Variants in LSP1 observed in about 807,000 individuals in gnomAD.
LSP1 encodes the protein lymphocyte-specific protein 1.
Under a neutral mutation model 49.3 loss-of-function variants are expected in LSP1, and 32 were observed. The observed-to-expected ratio is 0.65, with a 90% CI of 0.49 to 0.87. LSP1 has a LOEUF of 0.87. LSP1 is among the 40% of genes least tolerant of loss of function. The pLI is 0.00. For synonymous variants in LSP1, 179 were observed against 178.8 expected (o/e 1.00, Z -0.01); for missense variants, 428 against 442.6 (o/e 0.97, Z 0.30).
chr11:1,886,702 G>A (rs779689971), intron 7 of LSP1, 30 bp from the exon 8 acceptor site: 2 of 1,590,336 alleles, frequency 1.3e-6, no homozygotes, highest in South Asian at 1.1e-5. Context: ...TGTCCACTAA[G>A]GTAATCCTGA....
intron 1 of LSP1, among the ~76,000 whole-genome samples, chr11:1,861,293 A>T (rs1847622492): frequency 6.6e-6 from 1 of 152,230 alleles, no homozygotes; most frequent in African/African-American, 2.4e-5. Context: ...ATTTTCTGTC[A>T]TATTTTCCAT....
At chr11:1,890,533 G>A in intron 10 of LSP1, 1 of 715,284 alleles carries the variant, frequency 1.4e-6, no homozygotes, top group Non-Finnish European at 2.6e-6. Context: ...GGGGTTCCCT[G>A]GAGGCTTGGG....
intron 2 of LSP1, chr11:1,881,181 C>A: frequency 2.3e-6 from 1 of 438,784 alleles, no homozygotes. Context: ...CATAGCCCTG[C>A]TGAGCCTCAA....
intron 10 of LSP1, chr11:1,890,241 G>A (rs927035393): frequency 1.6e-4 from 113 of 716,208 alleles, no homozygotes; most frequent in Middle Eastern, 2.3e-4. Context: ...GGGGGTGTGC[G>A]GGGAGCGGGG....
chr11:1,870,543 G>T, intron 1 of LSP1: 1 of 1,167,974 alleles, frequency 8.6e-7, no homozygotes, highest in South Asian at 1.8e-5. Context: ...GTCAGGAAGA[G>T]GGCCTGGCTG....
intron 3 of LSP1, among the ~76,000 whole-genome samples, chr11:1,882,345 C>T (rs1848580244): frequency 1.3e-5 from 2 of 152,182 alleles, no homozygotes; most frequent in South Asian, 4.1e-4. Flanking sequence ...ACAGTTCTCC[C>T]TGGTCAGGGT....
chr11:1,875,425 C>T (rs1019376568), intron 1 of LSP1, among the ~76,000 whole-genome samples: 2 of 152,236 alleles, frequency 1.3e-5, no homozygotes, highest in African/African-American at 4.8e-5. Context: ...GTCACCCATC[C>T]GGCTCCAGCT....
rs1254967993 is a variant in LSP1 at position 1,874,133 on chromosome 11, C to G, written c.54-5954C>G. ...GGAGGGAGGCTGGGGACAGTGGGGGCAGGCCGGGGACAGTGGGGGCAGGCC... is the reference window on the plus strand; with the variant it reads ...GGAGGGAGGCTGGGGACAGTGGGGGGAGGCCGGGGACAGTGGGGGCAGGCC... On this transcript the variant is annotated intron_variant, in intron 1 of 10. Coordinates refer to ENST00000311604, the MANE Select transcript of LSP1 (RefSeq NM_002339.3). Among the ~76,000 whole-genome samples, 28 of 129,478 alleles carry G rather than the reference C, an allele frequency of 2.2e-4. 7 individuals carry two copies. The highest frequency in any genetic ancestry group is 3.1e-4 in the Non-Finnish European group (19 of 60,538). The allele number at this position is 129,478 out of a possible 152,430, so 84.9% of individuals were successfully genotyped here. A position where few individuals can be genotyped will look rare whatever the true frequency, so the allele number is the denominator to read the frequency against.
chr11:1,867,053 G>T (rs1304557361), intron 1 of LSP1: 1 of 851,074 alleles, frequency 1.2e-6, no homozygotes, highest in Non-Finnish European at 1.8e-6. Context: ...AGGAGGCACT[G>T]AAGCCGCGTG....
At chr11:1,871,024 G>A in intron 1 of LSP1, 5 of 985,640 alleles carry the variant, frequency 5.1e-6, no homozygotes, top group Non-Finnish European at 6.0e-6. Context: ...GGCACCGAGT[G>A]GGGCTGCATG....
intron 1 of LSP1, among the ~76,000 whole-genome samples, chr11:1,864,968 A>G (rs1431251048): frequency 6.6e-6 from 1 of 151,980 alleles, no homozygotes; most frequent in Admixed American, 6.6e-5. Context: ...GAGAAGGGAC[A>G]GGGGAGGGGT....
chr11:1,865,249 G>A (rs1847748685), intron 1 of LSP1: 7 of 985,480 alleles, frequency 7.1e-6, no homozygotes, highest in Non-Finnish European at 8.4e-6. Context: ...GACAGGGCCT[G>A]GATACCTCTT....
At chr11:1,877,867 G>A (rs1443643319) in intron 1 of LSP1, among the ~76,000 whole-genome samples, 1 of 152,108 alleles carries the variant, frequency 6.6e-6, no homozygotes, top group Non-Finnish European at 1.5e-5. Flanking sequence ...TTGGGCATGA[G>A]CTGTGAGCAG....
intron 1 of LSP1, chr11:1,864,178 G>T (rs1589808725): frequency 6.1e-6 from 6 of 986,794 alleles, no homozygotes; most frequent in Non-Finnish European, 7.2e-6. Flanking sequence ...GTGCGAGACG[G>T]GGAAGGAGGG....
At chr11:1,882,247 C>T (rs2133118565) in intron 3 of LSP1, among the ~76,000 whole-genome samples, 1 of 152,288 alleles carries the variant, frequency 6.6e-6, no homozygotes, top group African/African-American at 2.4e-5. Flanking sequence ...CTGACCCCAC[C>T]CGCCCTGCAG....
Position 1,883,515 on chromosome 11 carries a change from C to T in LSP1, c.453C>T (p.Val151=). The part of the protein sequence containing the change: ...SKEGPGPEDT[V]QDNLGAAGAE... ...AGGGGCCAGGCCCAGAGGACACTGT[C>T]CAGGACAACCTGGGGGCCGCAGGGG... is the stretch of plus-strand genomic sequence containing the variant. The change falls in exon 4 of 11, where the codon GTC becomes GTT. Residue 151 remains valine (V), a synonymous_variant. Coordinates refer to ENST00000311604, the MANE Select transcript of LSP1 (RefSeq NM_002339.3). 6.2e-7 allele frequency: 1 copy of T among 1,613,804 alleles called. No homozygotes were observed.
At position 1,880,135 on chromosome 11, in the gene LSP1, G is replaced by A. The variant is rs765897697; in HGVS notation, c.102G>A (p.Glu34=). ...SVEDEEEAVH[E]QCQHERDRQL... ...AGGACGAGGAGGAGGCCGTCCACGA[G>A]CAATGCCAGCATGAGAGAGACAGGC... The change falls in exon 2 of 11, where the codon GAG becomes GAA. Residue 34 remains glutamate, a synonymous_variant. Transcript: ENST00000311604. 3.3e-5 allele frequency: 53 copies of A among 1,608,724 alleles called. No individual in the cohort carries two copies. The highest frequency in any genetic ancestry group is 4.1e-5 in the Non-Finnish European group (48 of 1,177,040).
At chr11:1,881,975 G>C (rs550456493) in intron 3 of LSP1, among the ~76,000 whole-genome samples, 2 of 152,200 alleles carry the variant, frequency 1.3e-5, no homozygotes, top group Admixed American at 6.5e-5. Context: ...ACACAGCTGC[G>C]GCCGCTTCCG....
chr11:1,882,658 C>T (rs974460635), intron 3 of LSP1, among the ~76,000 whole-genome samples: 2 of 152,154 alleles, frequency 1.3e-5, no homozygotes, highest in African/African-American at 2.4e-5. Context: ...CCCAGCTCTG[C>T]GGCCGCCACC....
Sources: gnomAD v4.1 joint callset for allele counts (sites outside exome capture counted in the v4.1 genomes callset) on GRCh38, gnomAD v4.1.1 for gene constraint, MANE v1.5 for transcripts, NCBI Gene and HGNC (gene_info 2026-07-23, HGNC 2026-07-21) for gene names.